ARHGAP42: variants seen among roughly 807,000 people sequenced by gnomAD.
The protein encoded by ARHGAP42 is rho GTPase-activating protein 42.
A neutral mutation model predicts 125.0 loss-of-function variants in ARHGAP42; 63 were observed. That is an observed-to-expected ratio of 0.50 (90% confidence interval 0.41 to 0.62). The LOEUF (loss-of-function observed/expected upper bound fraction) is 0.62. Ranked by LOEUF, ARHGAP42 falls within the 20% of genes least tolerant of loss-of-function variation. ARHGAP42 has a pLI of 0.00. For missense variants in ARHGAP42, 766 were observed against 1,024.2 expected (o/e 0.75, Z 3.44); for synonymous variants, 339 against 351.0 (o/e 0.97, Z 0.38).
chr11:100,988,756 A>C lies in ARHGAP42; in HGVS notation c.2580A>C (p.Glu860Asp), dbSNP rs769741666. The change falls in exon 24 of 24, where the codon GAA (glutamate) becomes GAC (aspartate). Residue 860 changes from glutamate (E) to aspartate (D), a missense_variant. By Grantham distance (45) the Glu-to-Asp change is conservative. Coordinates refer to ENST00000298815, the MANE Select transcript of ARHGAP42 (RefSeq NM_152432.4). ...CAGGATGGTTAAAGGCAACTTATGA[A>C]GGCAAAACAGGACTAGTTCCAGAAA... ...VEPGWLKATY[E>D]GKTGLVPENY... 7 of 1,550,484 alleles carry C rather than the reference A, an allele frequency of 4.5e-6. No individual in the cohort carries two copies. The highest frequency in any genetic ancestry group is 2.0e-5 in the Admixed American group (1 of 50,984).
intron 3 of ARHGAP42, among the ~76,000 whole-genome samples, chr11:100,851,857 T>G (rs1394217652): frequency 1.3e-5 from 2 of 152,202 alleles, no homozygotes; most frequent in Non-Finnish European, 2.9e-5. Flanking sequence ...CATGCATACA[T>G]GTGCCTATGT....
intron 2 of ARHGAP42, among the ~76,000 whole-genome samples, chr11:100,786,284 G>A (rs766783626): frequency 6.6e-6 from 1 of 152,174 alleles, no homozygotes; most frequent in Non-Finnish European, 1.5e-5. Context: ...AACAAAATAT[G>A]TGACTTGATG....
chr11:100,896,833 C>T (rs966539130), intron 4 of ARHGAP42, among the ~76,000 whole-genome samples: 3 of 152,130 alleles, frequency 2.0e-5, no homozygotes, highest in Non-Finnish European at 4.4e-5. Context: ...TGCAGAAGCT[C>T]TTTAGTTTAA....
intron 3 of ARHGAP42, among the ~76,000 whole-genome samples, chr11:100,803,556 T>C (rs2135047078): frequency 6.6e-6 from 1 of 152,314 alleles, no homozygotes; most frequent in South Asian, 2.1e-4. Flanking sequence ...TTGGATGGCT[T>C]GGTCAAAGCC....
chr11:100,806,560 A>G (rs1274674961), intron 3 of ARHGAP42, among the ~76,000 whole-genome samples: 1 of 151,222 alleles, frequency 6.6e-6, no homozygotes, highest in Non-Finnish European at 1.5e-5. Context: ...GTTGGCCTCC[A>G]TAGCAACATT....
At chr11:100,847,867 A>C (rs1029606135) in intron 3 of ARHGAP42, among the ~76,000 whole-genome samples, 1 of 152,192 alleles carries the variant, frequency 6.6e-6, no homozygotes, top group African/African-American at 2.4e-5. Context: ...TGGCAGAAAC[A>C]TCTGGGTTGG....
In ARHGAP42 at chr11:100,765,279, A is replaced by G. The variant is rs1263891459; in HGVS notation, c.155-5064A>G. 2.0e-5 allele frequency among the ~76,000 whole-genome samples: 3 copies of G among 152,152 alleles called. No individual in the cohort carries two copies. In the East Asian group the frequency reaches 5.8e-4, roughly 29 times the overall value. ...CCCTGTTCTTAGGGAGTCTTCTAAC[A>G]ACTCTACCCCTACACACTCAATCCA... is the stretch of plus-strand genomic sequence containing the variant. On this transcript the variant is annotated intron_variant, in intron 1 of 23. Coordinates refer to ENST00000298815, the MANE Select transcript of ARHGAP42 (RefSeq NM_152432.4).
At chr11:100,913,615 AAGGT>A in intron 5 of ARHGAP42, 62 bp downstream of exon 5, 1 of 860,848 alleles carries the variant, frequency 1.2e-6, no homozygotes. Context: ...AAAATTTCCA[AAGGT>A]AAAACTATCT....
chr11:100,955,471 T>C (rs1591319930), intron 12 of ARHGAP42, among the ~76,000 whole-genome samples: 1 of 152,100 alleles, frequency 6.6e-6, no homozygotes, highest in East Asian at 1.9e-4. Flanking sequence ...TGTTCACAAA[T>C]GTAGCTTATG....
chr11:100,940,733 C>T (rs1482960528), intron 8 of ARHGAP42, among the ~76,000 whole-genome samples: 1 of 152,124 alleles, frequency 6.6e-6, no homozygotes, highest in Non-Finnish European at 1.5e-5. Context: ...TCAGTAGAGT[C>T]TTAGAACTTA....
intron 3 of ARHGAP42, among the ~76,000 whole-genome samples, chr11:100,822,413 T>C (rs2135078618): frequency 6.6e-6 from 1 of 152,266 alleles, no homozygotes; most frequent in Non-Finnish European, 1.5e-5. Flanking sequence ...TATCAAGTTC[T>C]GGTCTCTTTC....
chr11:100,981,844 T>C lies in ARHGAP42; in HGVS notation c.2456+2795T>C, dbSNP rs571013994. On this transcript the variant is annotated intron_variant, in intron 22 of 23. Coordinates refer to ENST00000298815, the MANE Select transcript of ARHGAP42 (RefSeq NM_152432.4). ...GGAATCAGAGACAGGAAAAGAAGTT[T>C]CCAAGTCTCTGAGACAGTGTTGGAA... 4.6e-5 allele frequency among the ~76,000 whole-genome samples: 7 copies of C among 152,286 alleles called. No individual in the cohort carries two copies. In the South Asian group the frequency reaches 1.4e-3, roughly 32 times the overall value.
chr11:100,806,039 C>T (rs534260701), intron 3 of ARHGAP42, among the ~76,000 whole-genome samples: 1 of 152,262 alleles, frequency 6.6e-6, no homozygotes, highest in South Asian at 2.1e-4. Flanking sequence ...TATTTTACTC[C>T]ACCCCTATTC....
At chr11:100,744,572 G>T (rs775763420) in intron 1 of ARHGAP42, among the ~76,000 whole-genome samples, 18 of 151,828 alleles carry the variant, frequency 1.2e-4, no homozygotes, top group South Asian at 2.1e-4. Context: ...GTGCGTGCTT[G>T]TGTGTGTGTT....
At chr11:100,728,736 A>G (rs2120297168) in intron 1 of ARHGAP42, among the ~76,000 whole-genome samples, 1 of 126,142 alleles carries the variant, frequency 7.9e-6, no homozygotes. Flanking sequence ...ATATATATAT[A>G]TATATATATA....
At chr11:100,698,445 T>C (rs1199509771) in intron 1 of ARHGAP42, among the ~76,000 whole-genome samples, 1 of 152,174 alleles carries the variant, frequency 6.6e-6, no homozygotes, top group Non-Finnish European at 1.5e-5. Context: ...TACTCCAGCC[T>C]GGGCCACAGA....
At chr11:100,796,548 C>G (rs1203156186) in intron 3 of ARHGAP42, among the ~76,000 whole-genome samples, 1 of 152,086 alleles carries the variant, frequency 6.6e-6, no homozygotes, top group African/African-American at 2.4e-5. Flanking sequence ...AGGCTTAAAG[C>G]TAGGCCTCTT....
intron 3 of ARHGAP42, among the ~76,000 whole-genome samples, chr11:100,842,785 A>G (rs1864972530): frequency 1.3e-5 from 2 of 152,168 alleles, no homozygotes; most frequent in Non-Finnish European, 2.9e-5. Context: ...CAATAGTGAC[A>G]CAACCTATTA....
chr11:100,871,545 TAA>T (rs35883788), intron 4 of ARHGAP42, among the ~76,000 whole-genome samples: 6 of 127,760 alleles, frequency 4.7e-5, no homozygotes, highest in Admixed American at 8.1e-5. Flanking sequence ...GACTGTTTCT[TAA>T]AAAAAAAAAA....
Sources: allele counts gnomAD v4.1 joint callset (sites outside exome capture counted in the v4.1 genomes callset), GRCh38; gene constraint gnomAD v4.1.1; transcripts MANE v1.5; gene names NCBI Gene and HGNC (gene_info 2026-07-23, HGNC 2026-07-21).